NHSL1: variants seen among roughly 807,000 people sequenced by gnomAD.
NHSL1 encodes the protein NHS like 1, also known as NHS-like protein 1.
In NHSL1, 48 loss-of-function variants were observed where a neutral mutation model predicts 95.0. The ratio of observed to expected loss-of-function variants is 0.51; its 90% CI spans 0.40 to 0.64. The LOEUF (loss-of-function observed/expected upper bound fraction) is 0.64. Ranked by LOEUF, NHSL1 falls within the 30% of genes least tolerant of loss-of-function variation. The pLI, the probability that NHSL1 is intolerant of heterozygous loss-of-function variation, is 0.00. For synonymous variants in NHSL1, 783 were observed against 833.9 expected (o/e 0.94, Z 1.05); for missense variants, 1,971 against 2,077.7 (o/e 0.95, Z 1.00).
At chr6:138,438,302 C>A (rs1776314332) in intron 5 of NHSL1, among the ~76,000 whole-genome samples, 1 of 152,184 alleles carries the variant, frequency 6.6e-6, no homozygotes, top group Admixed American at 6.5e-5. Context: ...TGTCTGTAGG[C>A]TCAGATGATC....
chr6:138,592,616 C>CAACAAAAAACAAAA (rs71009590), intron 1 of NHSL1, among the ~76,000 whole-genome samples: 2 of 150,308 alleles, frequency 1.3e-5, no homozygotes, highest in East Asian at 2.0e-4. Context: ...AAACAAAAAA[C>CAACAAAAAACAAAA]AACAAAAAAC....
intron 5 of NHSL1, among the ~76,000 whole-genome samples, chr6:138,436,316 A>G (rs888052245): frequency 3.3e-5 from 5 of 152,268 alleles, no homozygotes; most frequent in African/African-American, 1.2e-4. Flanking sequence ...CAGAACATAC[A>G]CAAATAAAAA....
chr6:138,569,590 G>GA (rs1036836603), intron 1 of NHSL1, among the ~76,000 whole-genome samples: 1 of 152,076 alleles, frequency 6.6e-6, no homozygotes, highest in African/African-American at 2.4e-5. Flanking sequence ...ATGCTTCTAA[G>GA]AAAAAACTTC....
intron 7 of NHSL1, among the ~76,000 whole-genome samples, chr6:138,428,889 T>A (rs1775438379): frequency 6.6e-6 from 1 of 152,210 alleles, no homozygotes; most frequent in Non-Finnish European, 1.5e-5. Context: ...TAGAGAAGTC[T>A]AGAAGGAAGC....
intron 1 of NHSL1, among the ~76,000 whole-genome samples, chr6:138,563,179 T>C (rs1562372480): frequency 6.6e-6 from 1 of 152,224 alleles, no homozygotes; most frequent in Non-Finnish European, 1.5e-5. Context: ...TTTTTATTGG[T>C]CACTTATGAT....
intron 1 of NHSL1, among the ~76,000 whole-genome samples, chr6:138,536,763 CT>C (rs752881511): frequency 1.7e-3 from 255 of 152,108 alleles, no homozygotes; most frequent in Non-Finnish European, 3.1e-3. Context: ...GGGATTTGTC[CT>C]AATGCTCTCC....
At chr6:138,688,002 G>C (rs1471368069) in intron 1 of NHSL1, among the ~76,000 whole-genome samples, 1 of 152,078 alleles carries the variant, frequency 6.6e-6, no homozygotes, top group Non-Finnish European at 1.5e-5. Flanking sequence ...CCCAGGCTGG[G>C]GTGCAGTGGC....
Position 138,430,446 on chromosome 6 carries a change from C to G in NHSL1, c.3899G>C (p.Ser1300Thr). 1 of 1,539,708 alleles carries G rather than the reference C, an allele frequency of 6.5e-7. No individual in the cohort carries two copies. The highest frequency in any genetic ancestry group is 1.4e-5 in the African/African-American group (1 of 72,910). ...CTCCCCATCGCCCCCAGTATCCGCA[C>G]TGTTCTCGGCTGGCTCCTCCTGCTT... ...APKQEEPAEN[S>T]ADTGGDGESC... The change falls in exon 6 of 8, where the codon AGT (serine) becomes ACT (threonine). Residue 1300 changes from serine (S) to threonine (T), a missense_variant. Coordinates refer to ENST00000343505, the MANE Select transcript of NHSL1 (RefSeq NM_001144060.2). This position sits in a 1 kb window ranked among gnomAD's most constrained non-coding sequence, Gnocchi z 4.7.
intron 3 of NHSL1, among the ~76,000 whole-genome samples, chr6:138,471,700 C>T (rs1778760507): frequency 6.6e-6 from 1 of 151,832 alleles, no homozygotes. Context: ...TGACTACAAT[C>T]TCTAATAATA....
chr6:138,660,427 G>A (rs577453092), intron 1 of NHSL1, among the ~76,000 whole-genome samples: 1 of 151,962 alleles, frequency 6.6e-6, no homozygotes, highest in East Asian at 1.9e-4. Context: ...TTGAAATCTC[G>A]GAGAGAAAAA....
At chr6:138,563,278 A>G (rs1783481866) in intron 1 of NHSL1, among the ~76,000 whole-genome samples, 1 of 152,232 alleles carries the variant, frequency 6.6e-6, no homozygotes, top group South Asian at 2.1e-4. Context: ...AATATTAGCT[A>G]TTGTTAAGCT....
At chr6:138,540,881 G>A (rs1229126097) in intron 1 of NHSL1, among the ~76,000 whole-genome samples, 2 of 152,066 alleles carry the variant, frequency 1.3e-5, no homozygotes, top group African/African-American at 4.8e-5. Context: ...TCTACCTCTT[G>A]GAAGACACAT....
rs567785945 is a variant in NHSL1, at chr6:138,525,120, G to A, written c.16+20503C>T. Among the ~76,000 whole-genome samples the A allele has an allele frequency of 1.0e-3, 154 of 152,198 alleles. 1 individual carries two copies. Among genetic ancestry groups the A allele is most frequent in the South Asian group, 6.0e-3 (29 of 4,818 alleles). On this transcript the variant is annotated intron_variant, in intron 1 of 4. Transcript: ENST00000342260. ...TCCTGGAAGCTTAATGTCTCTGGGC[G>A]TTGGATTTTTTACCTCTGTAATGAT...
intron 1 of NHSL1, among the ~76,000 whole-genome samples, 164 bp from the exon 2 acceptor site, chr6:138,496,535 G>A (rs946899890): frequency 6.6e-5 from 10 of 152,236 alleles, no homozygotes; most frequent in African/African-American, 2.2e-4. Flanking sequence ...CAGGGGTCTC[G>A]CCCACAGTGT....
At chr6:138,425,849 C>T (rs985352371) in intron 7 of NHSL1, among the ~76,000 whole-genome samples, 7 of 137,746 alleles carry the variant, frequency 5.1e-5, no homozygotes, top group African/African-American at 1.6e-4. Context: ...TTCCAGAAAA[C>T]AAAGGCGAAC....
At chr6:138,433,720 A>G in intron 5 of NHSL1, 40 bp from the exon 6 acceptor site, 1 of 1,476,864 alleles carries the variant, frequency 6.8e-7, no homozygotes, top group South Asian at 1.4e-5. Context: ...CCTGAAAATA[A>G]AATCCATAGT....
upstream of NHSL1, among the ~76,000 whole-genome samples, chr6:138,548,613 C>T (rs1015930252): frequency 1.3e-5 from 2 of 152,182 alleles, no homozygotes; most frequent in Non-Finnish European, 2.9e-5. Flanking sequence ...GTTAGTCTCA[C>T]AGCAGTTCAT....
chr6:138,432,582 T>C lies in NHSL1; in HGVS notation c.1763A>G (p.Asp588Gly), dbSNP rs1277250925. Residue 588 changes from aspartate (D) to glycine (G), a missense_variant, in exon 6 of 8, where the codon GAC becomes GGC. By Grantham distance (94) the Asp-to-Gly change is moderately conservative. Transcript: ENST00000343505. The surrounding 1 kb of genome is among the most constrained non-coding windows in gnomAD (Gnocchi z 4.4). ...AGCATCCTCTTTGTTGGACGTTTGG[T>C]CCAAACTGCAGCTGCTCATGTTACT... ...PTSNMSSCSLDQTSNKEDAGS... is the reference protein window; with the variant it reads ...PTSNMSSCSLGQTSNKEDAGS... The C allele has an allele frequency of 4.5e-6, 7 of 1,551,900 alleles. No homozygotes were observed. The highest frequency in any genetic ancestry group is 6.1e-6 in the Non-Finnish European group (7 of 1,147,022).
At chr6:138,501,427 A>G (rs200064332), upstream of NHSL1, among the ~76,000 whole-genome samples, 20 of 152,178 alleles carry the variant, frequency 1.3e-4, no homozygotes, top group East Asian at 3.8e-3. Flanking sequence ...TAAGCAACAT[A>G]AAAGGGGGTT....
Sources: gnomAD v4.1 joint callset for allele counts (sites outside exome capture counted in the v4.1 genomes callset) on GRCh38, gnomAD v4.1.1 for gene constraint, Gnocchi (gnomAD v3.1) non-coding constraint, MANE v1.5 for transcripts, NCBI Gene and HGNC (gene_info 2026-07-23, HGNC 2026-07-21) for gene names.